TNNI3K: variants seen among roughly 807,000 people sequenced by gnomAD.
TNNI3K encodes the protein serine/threonine-protein kinase TNNI3K.
Under a neutral mutation model 114.5 loss-of-function variants are expected in TNNI3K, and 140 were observed. The ratio of observed to expected loss-of-function variants is 1.22; its 90% CI spans 1.07 to 1.41. TNNI3K has a LOEUF of 1.41. TNNI3K is among the 40% of genes most tolerant of loss of function. The pLI is 0.00. For missense variants in TNNI3K, 1,125 were observed against 1,007.6 expected (o/e 1.12, Z -1.58); for synonymous variants, 347 against 347.5 (o/e 1.00, Z 0.02).
chr1:74,445,160 G>A (rs1243296325), intron 20 of TNNI3K, among the ~76,000 whole-genome samples: 2 of 151,036 alleles, frequency 1.3e-5, no homozygotes, highest in African/African-American at 4.9e-5. Context: ...GAAGCAATGT[G>A]GCAAAAGCAA....
intron 4 of TNNI3K, among the ~76,000 whole-genome samples, chr1:74,264,966 T>G (rs1216487327): frequency 6.6e-6 from 1 of 152,004 alleles, no homozygotes; most frequent in Admixed American, 6.6e-5. Context: ...TTTCTTTTTA[T>G]AAAAATGAGG....
At chr1:74,353,204 G>A (rs1427943927) in intron 9 of TNNI3K, 62 bp from the exon 10 acceptor site, 10 of 1,562,330 alleles carry the variant, frequency 6.4e-6, no homozygotes, top group Middle Eastern at 3.5e-4. Flanking sequence ...TAGGGGAGAG[G>A]GCACAATTTA....
chr1:74,430,040 A>G (rs571248935), intron 17 of TNNI3K, among the ~76,000 whole-genome samples: 1 of 152,196 alleles, frequency 6.6e-6, no homozygotes, highest in African/African-American at 2.4e-5. Flanking sequence ...AGAAAAAATG[A>G]ATTAATATTT....
chr1:74,439,498 T>C lies in TNNI3K; in HGVS notation c.1887T>C (p.Arg629=), dbSNP rs1666281056. 6.2e-7 allele frequency: 1 copy of C among 1,612,496 alleles called. No individual in the cohort carries two copies. Among genetic ancestry groups the C allele is most frequent in the Non-Finnish European group, 8.5e-7 (1 of 1,179,112 alleles). ...DNMTKQPGNL[R]WMAPEVFTQC... ...TGTTTCTTGATGTGCAGAACCTCCGTTGGATGGCTCCTGAGGTGTTCACGC... is the reference window on the plus strand; with the variant it reads ...TGTTTCTTGATGTGCAGAACCTCCGCTGGATGGCTCCTGAGGTGTTCACGC... Residue 629 remains arginine, a synonymous_variant, in exon 20 of 25, where the codon CGT becomes CGC. Transcript: ENST00000326637.
chr1:74,306,245 A>G (rs1658625081), intron 5 of TNNI3K, among the ~76,000 whole-genome samples: 1 of 152,190 alleles, frequency 6.6e-6, no homozygotes, highest in African/African-American at 2.4e-5. Flanking sequence ...TCCATGGTAC[A>G]TATGTACCAC....
At chr1:74,471,080 C>T in intron 21 of TNNI3K, 1 of 400,746 alleles carries the variant, frequency 2.5e-6, no homozygotes, top group African/African-American at 2.0e-5. Flanking sequence ...CTGTGCTCAG[C>T]ATCAGTGGGT....
At chr1:74,475,656 G>C (rs1319926586) in intron 21 of TNNI3K, 10 of 716,878 alleles carry the variant, frequency 1.4e-5, no homozygotes, top group African/African-American at 3.5e-5. Context: ...GGCAGTTGCA[G>C]TATCCCTTAG....
chr1:74,343,019 A>G (rs748019388), intron 8 of TNNI3K, 33 bp downstream of exon 8: 4 of 1,613,512 alleles, frequency 2.5e-6, no homozygotes, highest in Non-Finnish European at 3.4e-6. Flanking sequence ...TAGGTTCTCC[A>G]GGTATACTGC....
rs150052282 is a variant in TNNI3K, at chr1:74,480,960, T to C, written c.2122-8229T>C. On this transcript the variant is annotated intron_variant, in intron 21 of 24. Transcript: ENST00000326637. ...GTGATGATTAAAACCCTCGTGGTCA[T>C]AGGGGCTGCTGTGGGGAAAAAAGCA... The C allele has an allele frequency of 1.1e-4, 79 of 711,808 alleles. No homozygotes were observed. The African/African-American group carries it at 1.2e-3, about 11-fold the overall frequency. The allele number at this position is 711,808 out of a possible 1,614,324, so 44.1% of individuals were successfully genotyped here. A position where few individuals can be genotyped will look rare whatever the true frequency, so the allele number is the denominator to read the frequency against.
intron 4 of TNNI3K, among the ~76,000 whole-genome samples, chr1:74,254,827 G>A (rs1655172508): frequency 6.6e-6 from 1 of 152,112 alleles, no homozygotes; most frequent in Non-Finnish European, 1.5e-5. Context: ...CATAGACAGG[G>A]TAGGATGTTC....
At chr1:74,425,403 C>T (rs1317045269) in intron 17 of TNNI3K, among the ~76,000 whole-genome samples, 1 of 152,068 alleles carries the variant, frequency 6.6e-6, no homozygotes, top group Non-Finnish European at 1.5e-5. Flanking sequence ...TTTTAAGTCT[C>T]AGCAAGTTTA....
intron 17 of TNNI3K, among the ~76,000 whole-genome samples, chr1:74,402,368 T>C (rs1664408825): frequency 6.6e-6 from 1 of 152,194 alleles, no homozygotes; most frequent in East Asian, 1.9e-4. Context: ...TTATTAGCTG[T>C]GGATCTACCT....
chr1:74,384,938 T>C (rs749186002), intron 17 of TNNI3K, among the ~76,000 whole-genome samples: 1 of 152,154 alleles, frequency 6.6e-6, no homozygotes, highest in African/African-American at 2.4e-5. Context: ...ATATTCCTTA[T>C]GGTTTCAACA....
At chr1:74,330,090 G>T (rs1660116449) in intron 5 of TNNI3K, among the ~76,000 whole-genome samples, 3 of 152,064 alleles carry the variant, frequency 2.0e-5, no homozygotes, top group Non-Finnish European at 4.4e-5. Context: ...GAACAGAAAA[G>T]AGAGACTCGA....
chr1:74,465,106 T>C (rs1046263723), intron 21 of TNNI3K, among the ~76,000 whole-genome samples: 30 of 152,234 alleles, frequency 2.0e-4, no homozygotes, highest in African/African-American at 7.0e-4. Flanking sequence ...ATGTGAGCTA[T>C]TGAGAGATGA....
At chr1:74,449,187 C>G (rs952251310) in intron 20 of TNNI3K, among the ~76,000 whole-genome samples, 48 of 151,614 alleles carry the variant, frequency 3.2e-4, no homozygotes, top group African/African-American at 1.1e-3. Flanking sequence ...CTGGTTTAGT[C>G]TTTGGAGAGT....
At chr1:74,431,789 C>T (rs1448272527) in intron 17 of TNNI3K, among the ~76,000 whole-genome samples, 4 of 152,210 alleles carry the variant, frequency 2.6e-5, no homozygotes, top group Admixed American at 2.6e-4. Context: ...CGCTCTTGAA[C>T]TAAGTAACTT....
chr1:74,524,550 T>G (rs1646477359), intron 23 of TNNI3K, among the ~76,000 whole-genome samples: 1 of 152,210 alleles, frequency 6.6e-6, no homozygotes, highest in Non-Finnish European at 1.5e-5. Context: ...TCTGGAATGA[T>G]GCTCATAAAA....
At chr1:74,312,166 AG>A (rs1189687999) in intron 5 of TNNI3K, among the ~76,000 whole-genome samples, 3 of 152,204 alleles carry the variant, frequency 2.0e-5, no homozygotes, top group African/African-American at 4.8e-5. Context: ...ATGGAAAGAA[AG>A]TCGGGGGGAG....
Sources: gnomAD v4.1 joint callset for allele counts (sites outside exome capture counted in the v4.1 genomes callset) on GRCh38, gnomAD v4.1.1 for gene constraint, MANE v1.5 for transcripts, NCBI Gene and HGNC (gene_info 2026-07-23, HGNC 2026-07-21) for gene names.